The following DLGAP1 variants were observed in gnomAD, a reference collection of about 807,000 sequenced individuals.
DLGAP1 encodes the protein DLG associated protein 1.
In DLGAP1, 11 loss-of-function variants were observed where a neutral mutation model predicts 90.8. The observed-to-expected ratio is 0.12, with a 90% CI of 0.08 to 0.20. The LOEUF (loss-of-function observed/expected upper bound fraction) is 0.20. Ranked by LOEUF, DLGAP1 falls within the 10% of genes least tolerant of loss-of-function variation. The pLI, the probability that DLGAP1 is intolerant of heterozygous loss-of-function variation, is 1.00. For synonymous variants in DLGAP1, 558 were observed against 540.7 expected (o/e 1.03, Z -0.44); for missense variants, 1,050 against 1,333.8 (o/e 0.79, Z 3.31).
At chr18:4,052,871 C>T (rs1404734696) in intron 2 of DLGAP1, among the ~76,000 whole-genome samples, 2 of 152,188 alleles carry the variant, frequency 1.3e-5, no homozygotes, top group African/African-American at 4.8e-5. Context: ...AGCCACCAGT[C>T]TCTTTGCTAA....
At chr18:3,603,510 T>G (rs2057176986) in intron 7 of DLGAP1, 1 of 152,044 alleles carries the variant, frequency 6.6e-6, no homozygotes, top group South Asian at 2.1e-4. Flanking sequence ...CAGGCCCACG[T>G]GATGGTCAAG....
At chr18:3,878,607 G>A (rs2071063348) in intron 4 of DLGAP1, among the ~76,000 whole-genome samples, 1 of 152,276 alleles carries the variant, frequency 6.6e-6, no homozygotes, top group Non-Finnish European at 1.5e-5. Flanking sequence ...TCAGGTCGGG[G>A]TGTAGTTACT....
chr18:3,939,634 C>T (rs2072726896), intron 3 of DLGAP1, among the ~76,000 whole-genome samples: 1 of 152,092 alleles, frequency 6.6e-6, no homozygotes, highest in South Asian at 2.1e-4. Context: ...ATCTACATAT[C>T]TGCATATCCA....
At chr18:3,638,839 A>G (rs896243797) in intron 7 of DLGAP1, among the ~76,000 whole-genome samples, 1 of 152,218 alleles carries the variant, frequency 6.6e-6, no homozygotes, top group African/African-American at 2.4e-5. Context: ...ACAACCCTAA[A>G]TGAGTCTGAT....
At chr18:4,408,810 GA>G (rs1416184449) in intron 1 of DLGAP1, among the ~76,000 whole-genome samples, 1 of 152,070 alleles carries the variant, frequency 6.6e-6, no homozygotes, top group African/African-American at 2.4e-5. Context: ...CCAAAGTGTA[GA>G]AAAATCATAT....
Position 3,879,347 on chromosome 18 carries a change from T to G in DLGAP1, c.722A>C (p.Asn241Thr). 1 of 1,612,258 alleles carries G rather than the reference T, an allele frequency of 6.2e-7. No individual in the cohort carries two copies. Among genetic ancestry groups the G allele is most frequent in the Non-Finnish European group, 8.5e-7 (1 of 1,179,142 alleles). ...CTTCACCGCCTGCTCGCTGATGGTGTTGTAGGCCTCCAGGAAGTACTGTGA... is the reference window on the plus strand; with the variant it reads ...CTTCACCGCCTGCTCGCTGATGGTGGTGTAGGCCTCCAGGAAGTACTGTGA... ...SASQYFLEAYNTISEQAVKAS... is the reference protein window; with the variant it reads ...SASQYFLEAYTTISEQAVKAS... The change falls in exon 4 of 13, where the codon AAC becomes ACC. Residue 241 changes from asparagine to threonine, a missense_variant. Transcript: ENST00000315677. This position sits in a 1 kb window ranked among gnomAD's most constrained non-coding sequence, Gnocchi z 6.6.
At chr18:4,171,111 T>C (rs1568432248) in intron 1 of DLGAP1, among the ~76,000 whole-genome samples, 1 of 152,148 alleles carries the variant, frequency 6.6e-6, no homozygotes, top group African/African-American at 2.4e-5. Flanking sequence ...TAACCAACAA[T>C]ACAACGTCTG....
At chr18:3,724,619 C>T (rs1197927225) in intron 7 of DLGAP1, among the ~76,000 whole-genome samples, 1 of 152,100 alleles carries the variant, frequency 6.6e-6, no homozygotes, top group Non-Finnish European at 1.5e-5. Flanking sequence ...GTGGCATGTG[C>T]CTGTAATCCC....
At chr18:3,641,402 T>C (rs2058933118) in intron 7 of DLGAP1, among the ~76,000 whole-genome samples, 1 of 150,094 alleles carries the variant, frequency 6.7e-6, no homozygotes, top group Non-Finnish European at 1.5e-5. Flanking sequence ...CTGGGTGTGG[T>C]GGCGGGCACC....
At chr18:4,307,624 C>A (rs532796126) in intron 1 of DLGAP1, among the ~76,000 whole-genome samples, 2 of 152,038 alleles carry the variant, frequency 1.3e-5, no homozygotes, top group East Asian at 3.9e-4. Context: ...AAATAGAACA[C>A]GGCAGAGCCA....
At chr18:4,363,176 T>C (rs1248400583) in intron 1 of DLGAP1, among the ~76,000 whole-genome samples, 5 of 152,032 alleles carry the variant, frequency 3.3e-5, no homozygotes, top group African/African-American at 1.2e-4. Flanking sequence ...AAAATGTAAA[T>C]GTAAGCCTGG....
chr18:4,442,596 G>A (rs1309370659), intron 1 of DLGAP1, among the ~76,000 whole-genome samples: 1 of 135,338 alleles, frequency 7.4e-6, no homozygotes, highest in African/African-American at 2.7e-5. Context: ...TATTAAAACA[G>A]AAAGGACAAA....
rs559393377 is a variant in DLGAP1, at chr18:3,599,467, A to C, written c.1592-17219T>G. 4.6e-5 allele frequency among the ~76,000 whole-genome samples: 7 copies of C among 152,316 alleles called. No individual in the cohort carries two copies. In the South Asian group the frequency reaches 1.4e-3, roughly 32 times the overall value. On this transcript the variant is annotated intron_variant, in intron 7 of 12. Transcript: ENST00000315677. ...TAGTGGCTTTTAGAATTGGGGCAGA[A>C]GGATGCCATCCTACTCCCACCTTCA...
intron 4 of DLGAP1, among the ~76,000 whole-genome samples, chr18:3,823,186 T>C (rs563478687): frequency 1.3e-5 from 2 of 152,256 alleles, no homozygotes; most frequent in East Asian, 3.9e-4. Flanking sequence ...AGAGTTGGGG[T>C]AGGACAATCA....
intron 3 of DLGAP1, chr18:3,984,246 C>G (rs576930661): frequency 6.6e-6 from 1 of 152,328 alleles, no homozygotes; most frequent in Admixed American, 6.5e-5. Flanking sequence ...TTTGTGGTCC[C>G]TTCTCATGGT....
intron 1 of DLGAP1, among the ~76,000 whole-genome samples, chr18:4,410,795 CACG>C (rs1253898136): frequency 2.0e-5 from 3 of 152,154 alleles, no homozygotes; most frequent in Admixed American, 6.5e-5. Context: ...TATTGCTATG[CACG>C]ACAACATCGA....
At chr18:4,121,248 C>A (rs1043776388) in intron 2 of DLGAP1, among the ~76,000 whole-genome samples, 11 of 152,130 alleles carry the variant, frequency 7.2e-5, no homozygotes, top group Admixed American at 2.0e-4. Context: ...ATCCCTGAGA[C>A]AGGAAAGGGT....
chr18:3,957,394 C>A (rs925312233), intron 3 of DLGAP1, among the ~76,000 whole-genome samples: 1 of 152,168 alleles, frequency 6.6e-6, no homozygotes, highest in African/African-American at 2.4e-5. Flanking sequence ...AATTTCTGAC[C>A]TCTGGAACTG....
At chr18:3,661,738 G>A (rs898005413) in intron 7 of DLGAP1, among the ~76,000 whole-genome samples, 3 of 151,656 alleles carry the variant, frequency 2.0e-5, no homozygotes, top group Non-Finnish European at 2.9e-5. Flanking sequence ...CACCATGCCT[G>A]GATGATTTTT....
Sources: gnomAD v4.1 joint callset for allele counts (sites outside exome capture counted in the v4.1 genomes callset) on GRCh38, gnomAD v4.1.1 for gene constraint, Gnocchi (gnomAD v3.1) non-coding constraint, MANE v1.5 for transcripts, NCBI Gene and HGNC (gene_info 2026-07-23, HGNC 2026-07-21) for gene names.